Variants in ZCCHC4 observed in about 807,000 individuals in gnomAD.
ZCCHC4 encodes zinc finger CCHC-type containing 4.
ZCCHC4 carries 54 observed loss-of-function variants against 67.7 expected under a neutral mutation model. The ratio of observed to expected loss-of-function variants is 0.80; its 90% CI spans 0.64 to 1.00. The LOEUF is 1.00. Ranked by LOEUF, ZCCHC4 falls within the 50% of genes least tolerant of loss-of-function variation. The pLI, the probability that ZCCHC4 is intolerant of heterozygous loss-of-function variation, is 0.00. For synonymous variants in ZCCHC4, 198 were observed against 213.5 expected, an observed-to-expected ratio of 0.93 and a Z score of 0.63; for missense variants, 609 against 617.0, an observed-to-expected ratio of 0.99 and a Z score of 0.14.
chr4:25,351,796 A>G, intron 8 of ZCCHC4, 107 bp downstream of exon 8: 1 of 1,104,638 alleles, frequency 9.1e-7, no homozygotes, highest in Non-Finnish European at 1.3e-6. Context: ...GCTGTATTAA[A>G]CACTAATATT....
chr4:25,314,247 T>A (rs747386306), intron 2 of ZCCHC4, 83 bp downstream of exon 2: 2 of 858,426 alleles, frequency 2.3e-6, no homozygotes, highest in Admixed American at 2.2e-5. Flanking sequence ...AATAAAAATA[T>A]GCGGTCTGAA....
intron 5 of ZCCHC4, among the ~76,000 whole-genome samples, chr4:25,334,433 T>C (rs1355571550): frequency 1.3e-5 from 2 of 152,212 alleles, no homozygotes; most frequent in East Asian, 1.9e-4. Context: ...TCACTGAACA[T>C]AGCCTGGAGT....
At chr4:25,329,677 G>C (rs1719079370) in intron 3 of ZCCHC4, among the ~76,000 whole-genome samples, 1 of 151,700 alleles carries the variant, frequency 6.6e-6, no homozygotes, top group South Asian at 2.1e-4. Context: ...TGGGACTATA[G>C]GCGCATGCCA....
chr4:25,369,184 TA>T lies in ZCCHC4; in HGVS notation c.*22del. On this transcript the variant is annotated 3_prime_UTR_variant, in exon 13 of 13. Coordinates refer to ENST00000302874, the MANE Select transcript of ZCCHC4 (RefSeq NM_024936.3). Reference sequence around the variant, plus strand: ...TCTTAAATGTCCAGTGACTGGAGAATAAGAAAGATTTATGGTCCAACCTTTG... The same window carrying T: ...TCTTAAATGTCCAGTGACTGGAGAATAGAAAGATTTATGGTCCAACCTTTG... The T allele has an allele frequency of 1.2e-6, 2 of 1,604,418 alleles. No individual in the cohort carries two copies. Among genetic ancestry groups the T allele is most frequent in the East Asian group, 4.5e-5 (2 of 44,768 alleles).
intron 3 of ZCCHC4, among the ~76,000 whole-genome samples, chr4:25,317,716 AAAAAAAAAAAGAAAG>A (rs1319165859): frequency 6.7e-6 from 1 of 148,690 alleles, no homozygotes; most frequent in Non-Finnish European, 1.5e-5. Context: ...AAAAAAAAAA[AAAAAAAAAAAGAAAG>A]AAAAGAAAAT....
intron 8 of ZCCHC4, among the ~76,000 whole-genome samples, chr4:25,361,184 C>CA (rs1187864800): frequency 2.0e-5 from 3 of 152,196 alleles, no homozygotes; most frequent in Non-Finnish European, 4.4e-5. Flanking sequence ...GGTAGGGGAA[C>CA]AAAAACCTGG....
rs1405203472 is a variant in ZCCHC4 at position 25,315,300 on chromosome 4, T to C, written c.247-18T>C. 4 of 1,604,234 alleles carry C rather than the reference T, an allele frequency of 2.5e-6. No homozygotes were observed. The highest frequency in any genetic ancestry group is 3.4e-6 in the Non-Finnish European group (4 of 1,175,450). Reference sequence around the variant, plus strand: ...GATATTTCACAGTTTATTCAATGGGTTTTGTACTCTCTTTCAGTTGTCAGG... The same window carrying C: ...GATATTTCACAGTTTATTCAATGGGCTTTGTACTCTCTTTCAGTTGTCAGG... On this transcript the variant is annotated intron_variant, in intron 2 of 12. Transcript: ENST00000302874.
intron 7 of ZCCHC4, 180 bp downstream of exon 7, chr4:25,349,822 C>T: frequency 3.2e-6 from 2 of 628,094 alleles, no homozygotes; most frequent in Non-Finnish European, 5.3e-6. Flanking sequence ...TTGTATTATT[C>T]TAATCATGTG....
Position 25,361,983 on chromosome 4 carries a change from A to G in ZCCHC4, c.1133+3A>G. 6.2e-7 allele frequency: 1 copy of G among 1,611,442 alleles called. No individual in the cohort carries two copies. Among genetic ancestry groups the G allele is most frequent in the Non-Finnish European group, 8.5e-7 (1 of 1,178,858 alleles). On this transcript the variant is annotated splice_donor_region_variant and intron_variant, in intron 9 of 12. Coordinates refer to ENST00000302874, the MANE Select transcript of ZCCHC4 (RefSeq NM_024936.3). ...CTTCCTACTGAAGAAGGGTACAGGT[A>G]AGATCACAGTGGAACTTTGAAGTAC...
At chr4:25,361,355 GT>G (rs1172368961) in intron 8 of ZCCHC4, among the ~76,000 whole-genome samples, 6 of 152,236 alleles carry the variant, frequency 3.9e-5, no homozygotes, top group Non-Finnish European at 7.3e-5. Flanking sequence ...AGGAGGTGGA[GT>G]GTAAGAGAGA....
Position 25,333,092 on chromosome 4 carries a change from A to G in ZCCHC4, c.330-91A>G, listed in dbSNP as rs145266142. On this transcript the variant is annotated intron_variant, in intron 3 of 12. Coordinates refer to ENST00000302874, the MANE Select transcript of ZCCHC4 (RefSeq NM_024936.3). ...ACGCAGTACTCTTTAGGAAGTAAAA[A>G]TACTTTTTGGATGCTAAAAATAGCA... 298 of 1,337,794 alleles carry G rather than the reference A, an allele frequency of 2.2e-4. 2 individuals carry two copies. The African/African-American group carries it at 4.3e-3, about 19-fold the overall frequency. The allele number at this position is 1,337,794 out of a possible 1,614,324, so 82.9% of individuals were successfully genotyped here. A position where few individuals can be genotyped will look rare whatever the true frequency, so the allele number is the denominator to read the frequency against.
At chr4:25,334,013 C>G (rs754235618) in intron 5 of ZCCHC4, 25 bp downstream of exon 5, 2 of 1,424,872 alleles carry the variant, frequency 1.4e-6, no homozygotes, top group Non-Finnish European at 1.9e-6. Context: ...TACAGTATTT[C>G]CTTTCATTGT....
At chr4:25,317,337 C>T (rs948785276) in intron 3 of ZCCHC4, among the ~76,000 whole-genome samples, 4 of 152,122 alleles carry the variant, frequency 2.6e-5, no homozygotes, top group Non-Finnish European at 4.4e-5. Flanking sequence ...TGTCCCTTAA[C>T]TACAGTGGTT....
At position 25,370,123 on chromosome 4, in the gene ZCCHC4, G is replaced by A. The variant is rs1721089850; in HGVS notation, c.*959G>A. On this transcript the variant is annotated 3_prime_UTR_variant, in exon 13 of 13. Transcript: ENST00000302874. ...AGTGAGATGTTTAGAACTACGACTTGCTCTGTCATTCCAGTGTCGTTTAAC... is the reference window on the plus strand; with the variant it reads ...AGTGAGATGTTTAGAACTACGACTTACTCTGTCATTCCAGTGTCGTTTAAC... The A allele has an allele frequency of 6.6e-6, 1 of 152,150 alleles. No individual in the cohort carries two copies. Among genetic ancestry groups the A allele is most frequent in the Non-Finnish European group, 1.5e-5 (1 of 68,028 alleles). The allele number at this position is 152,150 out of a possible 1,614,324, so 9.4% of individuals were successfully genotyped here. A position where few individuals can be genotyped will look rare whatever the true frequency, so the allele number is the denominator to read the frequency against.
At chr4:25,338,776 C>T (rs1416886958) in intron 5 of ZCCHC4, among the ~76,000 whole-genome samples, 2 of 152,128 alleles carry the variant, frequency 1.3e-5, no homozygotes, top group Non-Finnish European at 2.9e-5. Flanking sequence ...TACGGATATA[C>T]CAAATTTTGT....
At position 25,314,098 on chromosome 4, in the gene ZCCHC4, G is replaced by T; in HGVS notation, c.180G>T (p.Arg60Ser). Residue 60 changes from arginine to serine, a missense_variant, in exon 2 of 13, where the codon AGG becomes AGT. Physicochemically the swap from Arg to Ser is moderately radical, Grantham distance 110. Transcript: ENST00000302874. ...KVTQGKEETR[R>S]FYACSACRDR... is the part of the protein sequence containing the mutation. Reference sequence around the variant, plus strand: ...CCCAAGGGAAAGAAGAAACTCGGAGGTTTTATGCCTGTTCAGCCTGTAGAG... The same window carrying T: ...CCCAAGGGAAAGAAGAAACTCGGAGTTTTTATGCCTGTTCAGCCTGTAGAG... 1 of 1,612,560 alleles carries T rather than the reference G, an allele frequency of 6.2e-7. No homozygotes were observed. Among genetic ancestry groups the T allele is most frequent in the Admixed American group, 1.7e-5 (1 of 59,810 alleles).
intron 12 of ZCCHC4, chr4:25,365,498 G>A (rs879870085): frequency 1.2e-4 from 127 of 1,033,836 alleles, no homozygotes; most frequent in Admixed American, 7.7e-4. Context: ...TGATATTTAC[G>A]TCAGGCTTTG....
chr4:25,363,299 C>T (rs1720826084), intron 10 of ZCCHC4, among the ~76,000 whole-genome samples: 2 of 152,152 alleles, frequency 1.3e-5, no homozygotes, highest in Non-Finnish European at 2.9e-5. Context: ...GCTTCTTTCA[C>T]TTAGTAATAG....
rs59405585 is a variant in ZCCHC4 at position 25,342,412 on chromosome 4, T to C, written c.687-3136T>C. 6.8e-3 allele frequency among the ~76,000 whole-genome samples: 1,031 copies of C among 152,296 alleles called. 10 individuals carry two copies. The highest frequency in any genetic ancestry group is 0.023 in the African/African-American group (968 of 41,546). On this transcript the variant is annotated intron_variant, in intron 5 of 12. Coordinates refer to ENST00000302874, the MANE Select transcript of ZCCHC4 (RefSeq NM_024936.3). The stretch of plus-strand genomic sequence containing the variant: ...GTTCTCTATAAATGTGCTATAAATA[T>C]ATTTTTTAGGGGGTAGGAGGTACGA...
Sources: gnomAD v4.1 joint callset for allele counts (sites outside exome capture counted in the v4.1 genomes callset) on GRCh38, gnomAD v4.1.1 for gene constraint, MANE v1.5 for transcripts, NCBI Gene and HGNC (gene_info 2026-07-23, HGNC 2026-07-21) for gene names.